The following NRXN3 variants were observed in gnomAD, a reference collection of about 807,000 sequenced individuals.
NRXN3 encodes the protein neurexin 3.
Under a neutral mutation model 137.6 loss-of-function variants are expected in NRXN3, and 32 were observed. The observed-to-expected ratio is 0.23, with a 90% CI of 0.18 to 0.31. The LOEUF is 0.31. NRXN3 is among the 10% of genes least tolerant of loss of function. The pLI, the probability that NRXN3 is intolerant of heterozygous loss-of-function variation, is 1.00. For synonymous variants in NRXN3, 798 were observed against 784.5 expected (o/e 1.02, Z -0.29); for missense variants, 1,574 against 2,062.5 (o/e 0.76, Z 4.59).
chr14:79,429,724 G>A (rs1033417248), intron 15 of NRXN3, among the ~76,000 whole-genome samples: 3 of 152,050 alleles, frequency 2.0e-5, no homozygotes, highest in African/African-American at 7.3e-5. Flanking sequence ...GACTTACCCA[G>A]ATCTATCGTC....
chr14:79,204,012 T>G (rs1334650596), intron 15 of NRXN3, among the ~76,000 whole-genome samples: 1 of 151,934 alleles, frequency 6.6e-6, no homozygotes, highest in South Asian at 2.1e-4. Flanking sequence ...AAAGGCAGAG[T>G]TGGGTAGCGA....
intron 15 of NRXN3, among the ~76,000 whole-genome samples, chr14:79,245,469 C>A (rs553031849): frequency 6.6e-6 from 1 of 151,826 alleles, no homozygotes; most frequent in African/African-American, 2.4e-5. Context: ...GAGAAAAAAG[C>A]GAGATGAGAG....
At chr14:78,176,013 C>A (rs1421901204) in intron 1 of NRXN3, among the ~76,000 whole-genome samples, 1 of 152,214 alleles carries the variant, frequency 6.6e-6, no homozygotes, top group Admixed American at 6.5e-5. Context: ...GTGCGTAGGA[C>A]ATTTCCTGAC....
At chr14:79,108,339 G>T (rs1419079088) in intron 15 of NRXN3, among the ~76,000 whole-genome samples, 1 of 152,092 alleles carries the variant, frequency 6.6e-6, no homozygotes, top group Non-Finnish European at 1.5e-5. Context: ...TTCATCATCA[G>T]TGAATGTTTT....
At chr14:79,586,092 G>A (rs1567581448) in intron 16 of NRXN3, among the ~76,000 whole-genome samples, 1 of 152,198 alleles carries the variant, frequency 6.6e-6, no homozygotes, top group Non-Finnish European at 1.5e-5. Flanking sequence ...CAGGCCCTGG[G>A]AGATGCATAT....
chr14:79,482,640 G>A (rs2096619534), intron 16 of NRXN3, among the ~76,000 whole-genome samples: 1 of 151,704 alleles, frequency 6.6e-6, no homozygotes, highest in Admixed American at 6.6e-5. Flanking sequence ...ACATTTCACA[G>A]ACAACAAATT....
At chr14:78,221,348 T>C (rs2063828449) in intron 1 of NRXN3, among the ~76,000 whole-genome samples, 1 of 152,028 alleles carries the variant, frequency 6.6e-6, no homozygotes, top group Non-Finnish European at 1.5e-5. Flanking sequence ...CTGGGTTGGG[T>C]TGAAGTCCAG....
rs115398951 is a variant in NRXN3, at chr14:79,835,292, T to C, written c.4094-26050T>C. On this transcript the variant is annotated intron_variant, in intron 20 of 20. Transcript: ENST00000335750. ...AACATTATGTTGCACATGATAAATA[T>C]GTACAATTTTTATTTGCCAATTTGA... 3.8e-3 allele frequency among the ~76,000 whole-genome samples: 574 copies of C among 152,250 alleles called. 3 individuals are homozygous for C. Among genetic ancestry groups the C allele is most frequent in the African/African-American group, 0.013 (550 of 41,558 alleles).
At chr14:78,216,802 C>T (rs2063331124) in intron 1 of NRXN3, among the ~76,000 whole-genome samples, 1 of 152,294 alleles carries the variant, frequency 6.6e-6, no homozygotes, top group Middle Eastern at 3.4e-3. Context: ...AGGGAAGATT[C>T]CTTCCTCGCC....
At chr14:78,250,086 AT>A in intron 2 of NRXN3, 3 of 516,796 alleles carry the variant, frequency 5.8e-6, no homozygotes, top group Non-Finnish European at 1.2e-5. Context: ...TATGATTCTC[AT>A]TTTTTTGGAT....
chr14:79,009,365 G>A (rs1186250216), intron 15 of NRXN3, among the ~76,000 whole-genome samples: 1 of 152,148 alleles, frequency 6.6e-6, no homozygotes, highest in Non-Finnish European at 1.5e-5. Flanking sequence ...TTTGCTTCTT[G>A]GTTAGCTTTA....
At chr14:79,504,638 T>TG (rs59718262) in intron 16 of NRXN3, among the ~76,000 whole-genome samples, 5 of 93,430 alleles carry the variant, frequency 5.4e-5, no homozygotes, top group Non-Finnish European at 1.1e-4. Context: ...AAAATGAAGT[T>TG]TTTTATATAT....
chr14:79,811,764 A>G (rs1258166718), intron 20 of NRXN3, among the ~76,000 whole-genome samples: 2 of 151,174 alleles, frequency 1.3e-5, no homozygotes, highest in African/African-American at 2.4e-5. Context: ...TTCTATTTTT[A>G]GTAGAGACGG....
At chr14:78,515,707 T>C (rs1567814039) in intron 4 of NRXN3, among the ~76,000 whole-genome samples, 1 of 151,942 alleles carries the variant, frequency 6.6e-6, no homozygotes, top group African/African-American at 2.4e-5. Flanking sequence ...GGGGCCGAGA[T>C]GACGAGTTTC....
intron 4 of NRXN3, among the ~76,000 whole-genome samples, chr14:78,458,191 T>C (rs186921614): frequency 6.6e-6 from 1 of 152,306 alleles, no homozygotes; most frequent in East Asian, 1.9e-4. Context: ...AGAGAGACAC[T>C]CTATTTCATT....
At chr14:79,206,824 T>C (rs1489665086) in intron 15 of NRXN3, among the ~76,000 whole-genome samples, 3 of 152,190 alleles carry the variant, frequency 2.0e-5, no homozygotes, top group Non-Finnish European at 4.4e-5. Flanking sequence ...ATTAATAACC[T>C]TATTATCTCA....
intron 15 of NRXN3, among the ~76,000 whole-genome samples, chr14:79,190,559 C>T (rs561410837): frequency 9.2e-5 from 14 of 152,154 alleles, no homozygotes; most frequent in East Asian, 3.9e-4. Flanking sequence ...TCAGTTGCCC[C>T]GGTGTGCTAC....
intron 15 of NRXN3, among the ~76,000 whole-genome samples, chr14:79,072,961 C>T (rs1366075056): frequency 6.6e-6 from 1 of 151,208 alleles, no homozygotes; most frequent in African/African-American, 2.4e-5. Context: ...TCTCGGCTCA[C>T]TGCAACCTCC....
chr14:79,276,080 G>T (rs985188728), intron 15 of NRXN3, among the ~76,000 whole-genome samples: 1 of 152,180 alleles, frequency 6.6e-6, no homozygotes, highest in East Asian at 1.9e-4. Flanking sequence ...TCAAGAGGAA[G>T]AGGAGAGCTT....
Sources: allele counts gnomAD v4.1 joint callset (sites outside exome capture counted in the v4.1 genomes callset), GRCh38; gene constraint gnomAD v4.1.1; transcripts MANE v1.5; gene names NCBI Gene and HGNC (gene_info 2026-07-23, HGNC 2026-07-21).